The following RO60 variants were observed in gnomAD, a reference collection of about 807,000 sequenced individuals.
RO60 encodes the protein Ro60, Y RNA binding protein.
A neutral mutation model predicts 55.3 loss-of-function variants in RO60; 20 were observed. That is an observed-to-expected ratio of 0.36 (90% CI 0.25 to 0.53). The LOEUF is 0.53. Among genes scored for constraint, RO60 ranks in the 20% least tolerant of loss-of-function variants. The pLI is 0.92. For synonymous variants in RO60, 213 were observed against 213.6 expected, an observed-to-expected ratio of 1.00 and a Z score of 0.02; for missense variants, 558 against 646.6, an observed-to-expected ratio of 0.86 and a Z score of 1.49.
intron 1 of RO60, among the ~76,000 whole-genome samples, chr1:193,068,485 G>A (rs998238265): frequency 5.9e-5 from 9 of 152,212 alleles, no homozygotes; most frequent in African/African-American, 2.2e-4. Context: ...AGAGAAGGGG[G>A]AAGAATGAAT....
At chr1:193,068,372 T>C (rs192233058) in intron 1 of RO60, among the ~76,000 whole-genome samples, 15 of 152,310 alleles carry the variant, frequency 9.8e-5, no homozygotes, top group African/African-American at 3.1e-4. Flanking sequence ...TTGATGTACA[T>C]TGAGTTTGAG....
chr1:193,061,899 G>C (rs753019275), intron 1 of RO60, among the ~76,000 whole-genome samples: 12 of 151,638 alleles, frequency 7.9e-5, no homozygotes, highest in Non-Finnish European at 1.3e-4. Flanking sequence ...CAGGAGAATC[G>C]CTTGAACTCG....
chr1:193,060,958 A>T (rs1223660533), intron 1 of RO60, among the ~76,000 whole-genome samples: 1 of 152,220 alleles, frequency 6.6e-6, no homozygotes, highest in Non-Finnish European at 1.5e-5. Context: ...TGCAAAATAC[A>T]TCAAAACTAA....
In RO60 at chr1:193,085,617, A is replaced by G. The variant is rs1674593962; in HGVS notation, c.*886A>G. The G allele has an allele frequency of 1.0e-6, 1 of 984,580 alleles. No individual in the cohort carries two copies. The highest frequency in any genetic ancestry group is 1.1e-4 in the East Asian group (1 of 8,820). 61.0% of individuals were successfully genotyped at this position (984,580 alleles called of 1,614,324 possible). A position where few individuals can be genotyped will look rare whatever the true frequency, so the allele number is the denominator to read the frequency against. On this transcript the variant is annotated 3_prime_UTR_variant, in exon 9 of 9. Coordinates refer to ENST00000400968, the MANE Select transcript of RO60 (RefSeq NM_001173524.2). ...CTTAACTCCCCCTCATTCACAAAGT[A>G]TAACAATTAAAATCTCAACTATAAC...
intron 5 of RO60, among the ~76,000 whole-genome samples, chr1:193,079,274 G>A (rs956899576): frequency 6.6e-6 from 1 of 151,834 alleles, no homozygotes; most frequent in African/African-American, 2.4e-5. Context: ...TTTTTAGTAG[G>A]GACAGGGTTT....
chr1:193,076,626 T>C lies in RO60; in HGVS notation c.927T>C (p.Cys309=). The C allele has an allele frequency of 6.2e-7, 1 of 1,603,616 alleles. No homozygotes were observed. Residue 309 remains cysteine (C), a synonymous_variant, in exon 4 of 9, where the codon TGT becomes TGC. Coordinates refer to ENST00000400968, the MANE Select transcript of RO60 (RefSeq NM_001173524.2). The part of the protein sequence containing the change: ...SEVSLVCEKL[C]NEKLLKKARI... ...TATCTTTAGTATGTGAAAAACTGTG[T>C]AATGAAAAACTATTAAAAAAGGTAA...
In RO60 at chr1:193,085,189, C is replaced by A; in HGVS notation, c.*458C>A. 1 of 1,207,530 alleles carries A rather than the reference C, an allele frequency of 8.3e-7. No homozygotes were observed. The allele number at this position is 1,207,530 out of a possible 1,614,324, so 74.8% of individuals were successfully genotyped here. A position where few individuals can be genotyped will look rare whatever the true frequency, so the allele number is the denominator to read the frequency against. ...TATAACTGTGATGAAATATGAAACT[C>A]ATCTGTAAACTTTTATACCAAGGGG... On this transcript the variant is annotated 3_prime_UTR_variant, in exon 9 of 9. Coordinates refer to ENST00000400968, the MANE Select transcript of RO60 (RefSeq NM_001173524.2).
intron 5 of RO60, 41 bp from the exon 6 acceptor site, chr1:193,081,323 T>C (rs1674298204): frequency 1.7e-6 from 2 of 1,175,106 alleles, no homozygotes; most frequent in Non-Finnish European, 1.3e-6. Flanking sequence ...CTACTTATAA[T>C]TTCTGTTATG....
chr1:193,061,692 C>T (rs773258318), intron 1 of RO60, among the ~76,000 whole-genome samples: 1 of 152,130 alleles, frequency 6.6e-6, no homozygotes, highest in Non-Finnish European at 1.5e-5. Context: ...ATTTAATATG[C>T]GGCCATGCTT....
Position 193,076,592 on chromosome 1 carries a change from A to G in RO60, c.893A>G (p.Asn298Ser), listed in dbSNP as rs749252052. ...GCTAATTCAGTACTTGAACCAGGAA[A>G]TTCAGAAGTATCTTTAGTATGTGAA... The part of the protein sequence containing the change: ...MTANSVLEPG[N>S]SEVSLVCEKL... The change falls in exon 4 of 9, where the codon AAT becomes AGT. Residue 298 changes from asparagine to serine, a missense_variant. Physicochemically the swap from Asn to Ser is conservative, Grantham distance 46 (BLOSUM62 1). Coordinates refer to ENST00000400968, the MANE Select transcript of RO60 (RefSeq NM_001173524.2). 8.7e-6 allele frequency: 14 copies of G among 1,610,928 alleles called. No homozygotes were observed. The highest frequency in any genetic ancestry group is 3.4e-5 in the Admixed American group (2 of 59,344).
chr1:193,082,958 T>C (rs1674417865), intron 8 of RO60, among the ~76,000 whole-genome samples: 1 of 152,038 alleles, frequency 6.6e-6, no homozygotes, highest in Non-Finnish European at 1.5e-5. Context: ...GGTTTCACCA[T>C]GTTGCCCAGG....
intron 8 of RO60, among the ~76,000 whole-genome samples, chr1:193,084,361 AAG>A (rs1284746806): frequency 6.6e-6 from 1 of 152,216 alleles, no homozygotes; most frequent in Non-Finnish European, 1.5e-5. Flanking sequence ...AAAGTAATTG[AAG>A]AGAGAAGTAG....
Position 193,088,631 on chromosome 1 carries a change from A to G in RO60, c.*3900A>G, listed in dbSNP as rs1674724748. On this transcript the variant is annotated 3_prime_UTR_variant, in exon 9 of 9. Transcript: ENST00000400968. The stretch of plus-strand genomic sequence containing the variant: ...GGTAACTGATGCTATTACAGTAGGT[A>G]ATCAAAAATGAAAAATTCTAGTCTT... The G allele has an allele frequency of 6.6e-6, 1 of 152,206 alleles. No individual in the cohort carries two copies. Among genetic ancestry groups the G allele is most frequent in the African/African-American group, 2.4e-5 (1 of 41,456 alleles). 9.4% of individuals were successfully genotyped at this position (152,206 alleles called of 1,614,324 possible).
Position 193,086,107 on chromosome 1 carries a change from C to A in RO60, c.*1376C>A. ...TACTGAGGATTTGTAAGGTCCTTCT[C>A]GCTGTTATGTGAAAAGTCAAACTGT... On this transcript the variant is annotated 3_prime_UTR_variant, in exon 9 of 9. Transcript: ENST00000400968. The A allele has an allele frequency of 1.1e-6, 1 of 872,250 alleles. No homozygotes were observed. Among genetic ancestry groups the A allele is most frequent in the Non-Finnish European group, 1.4e-6 (1 of 727,030 alleles). The allele number at this position is 872,250 out of a possible 1,614,324, so 54.0% of individuals were successfully genotyped here. A position where few individuals can be genotyped will look rare whatever the true frequency, so the allele number is the denominator to read the frequency against.
At chr1:193,075,067 T>TGA (rs2103050888) in intron 2 of RO60, among the ~76,000 whole-genome samples, 1 of 152,272 alleles carries the variant, frequency 6.6e-6, no homozygotes, top group East Asian at 1.9e-4. Flanking sequence ...GGCCTCACCG[T>TGA]GGTGGTTTTA....
At chr1:193,073,851 A>AACGTT (rs1337851962) in intron 2 of RO60, among the ~76,000 whole-genome samples, 1 of 151,432 alleles carries the variant, frequency 6.6e-6, no homozygotes, top group Non-Finnish European at 1.5e-5. Context: ...CTCGTCATTT[A>AACGTT]ACGTTACGTA....
rs1674738879 is a variant in RO60 at position 193,088,866 on chromosome 1, A to C, written c.*4135A>C. The C allele has an allele frequency of 6.6e-6, 1 of 151,790 alleles. No individual in the cohort carries two copies. Among genetic ancestry groups the C allele is most frequent in the Non-Finnish European group, 1.5e-5 (1 of 67,932 alleles). 9.4% of individuals were successfully genotyped at this position (151,790 alleles called of 1,614,324 possible). On this transcript the variant is annotated 3_prime_UTR_variant, in exon 9 of 9. Transcript: ENST00000400968. ...TTATTTGTTGGAAGATTACTTTTCTACCTCTTTTTTTTCTTTTAAAATTCC... is the reference window on the plus strand; with the variant it reads ...TTATTTGTTGGAAGATTACTTTTCTCCCTCTTTTTTTTCTTTTAAAATTCC...
rs755554695 is a variant in RO60, at chr1:193,059,841, A to C, written c.-22+65A>C. 7.6e-5 allele frequency: 104 copies of C among 1,361,386 alleles called. No individual in the cohort carries two copies. Among genetic ancestry groups the C allele is most frequent in the Non-Finnish European group, 1.5e-5 (15 of 1,019,674 alleles). The allele number at this position is 1,361,386 out of a possible 1,614,324, so 84.3% of individuals were successfully genotyped here. A position where few individuals can be genotyped will look rare whatever the true frequency, so the allele number is the denominator to read the frequency against. On this transcript the variant is annotated intron_variant, in intron 1 of 8. Coordinates refer to ENST00000400968, the MANE Select transcript of RO60 (RefSeq NM_001173524.2). This position sits in a 1 kb window ranked among gnomAD's most constrained non-coding sequence, Gnocchi z 4.9. The stretch of plus-strand genomic sequence containing the variant: ...CGGCCCCAGGGACGCGCAAATTCTG[A>C]CCAGTCCTCCATGTCTCTCACCCGC...
chr1:193,071,788 T>G (rs1673525596), intron 2 of RO60, among the ~76,000 whole-genome samples: 1 of 148,340 alleles, frequency 6.7e-6, no homozygotes, highest in Admixed American at 6.8e-5. Context: ...ATAATGTTAG[T>G]ATATAGTATA....
Sources: allele counts gnomAD v4.1 joint callset (sites outside exome capture counted in the v4.1 genomes callset), GRCh38; gene constraint gnomAD v4.1.1; non-coding constraint Gnocchi (gnomAD v3.1); transcripts MANE v1.5; gene names NCBI Gene and HGNC (gene_info 2026-07-23, HGNC 2026-07-21).